CATSPERG: variants seen among roughly 807,000 people sequenced by gnomAD.
CATSPERG encodes the protein catsper channel auxiliary subunit gamma, also known as cation channel sperm-associated auxiliary subunit gamma.
Under a neutral mutation model 145.0 loss-of-function variants are expected in CATSPERG, and 115 were observed. The observed-to-expected ratio is 0.79, with a 90% CI of 0.68 to 0.93. The LOEUF is 0.93. CATSPERG is among the 40% of genes least tolerant of loss of function. The pLI is 0.00. For synonymous variants in CATSPERG, 588 were observed against 589.0 expected, an observed-to-expected ratio of 1.00 and a Z score of 0.02; for missense variants, 1,296 against 1,490.1, an observed-to-expected ratio of 0.87 and a Z score of 2.14.
rs771189243 is a variant in CATSPERG at position 38,370,270 on chromosome 19, T to C, written c.3213+12T>C. On this transcript the variant is annotated intron_variant, in intron 28 of 28. Transcript: ENST00000409235. ...TTTTCATCATCATGGTGAGTGGCTG[T>C]CCGGGAGCTGCCCTACTGGGTGGGC... The C allele has an allele frequency of 6.2e-7, 1 of 1,611,308 alleles. No individual in the cohort carries two copies. Among genetic ancestry groups the C allele is most frequent in the East Asian group, 2.2e-5 (1 of 44,870 alleles).
In CATSPERG at chr19:38,337,255, C is replaced by A. The variant is rs538897594; in HGVS notation, c.21C>A (p.Phe7Leu). The A allele has an allele frequency of 6.4e-7, 1 of 1,551,408 alleles. No homozygotes were observed. The highest frequency in any genetic ancestry group is 2.0e-5 in the Admixed American group (1 of 51,006). The change falls in exon 2 of 29, where the codon TTC becomes TTA. Residue 7 changes from phenylalanine to leucine, a missense_variant. By Grantham distance (22) the Phe-to-Leu change is conservative (BLOSUM62 0). Transcript: ENST00000409235. ...ACGTTATGTGCGGCCCAGCCATGTT[C>A]CCTGCCGGTCCTCCGTGGCCCAGAG... MCGPAM[F>L]PAGPPWPRVR...
Position 38,337,592 on chromosome 19 carries a change from G to A in CATSPERG, c.271-1G>A, listed in dbSNP as rs1253059439. 6.4e-7 allele frequency: 1 copy of A among 1,551,660 alleles called. No homozygotes were observed. The highest frequency in any genetic ancestry group is 8.7e-7 in the Non-Finnish European group (1 of 1,147,008). The stretch of plus-strand genomic sequence containing the variant: ...ACGTGTGGCCTAACCTCTCTTTGCA[G>A]AAATACCTGGGCTTCCCTTACTACC... On this transcript the variant is annotated splice_acceptor_variant, in intron 2 of 28. Coordinates refer to ENST00000409235, the MANE Select transcript of CATSPERG (RefSeq NM_021185.5). LOFTEE classifies it high-confidence loss of function.
intron 7 of CATSPERG, among the ~76,000 whole-genome samples, chr19:38,348,437 C>T (rs973402103): frequency 2.0e-4 from 30 of 150,674 alleles, no homozygotes; most frequent in Admixed American, 1.3e-3. Flanking sequence ...CTGGGATCAC[C>T]GTGCCTGGCC....
chr19:38,343,668 G>T lies in CATSPERG; in HGVS notation c.413G>T (p.Arg138Leu). Residue 138 changes from arginine to leucine, a missense_variant, in exon 4 of 29, where the codon CGC becomes CTC. By Grantham distance (102) the Arg-to-Leu change is moderately radical. Coordinates refer to ENST00000409235, the MANE Select transcript of CATSPERG (RefSeq NM_021185.5). The part of the protein sequence containing the change: ...VTFQSPVNFY[R>L]WKIEQLQIQM... ...TTCCAGTCCCCAGTCAACTTCTACC[G>T]CTGGAAGATAGAGCAGCTGCAGATC... 6.4e-7 allele frequency: 1 copy of T among 1,551,468 alleles called. No homozygotes were observed.
Position 38,370,902 on chromosome 19 carries a change from G to A in CATSPERG, c.*110G>A. The A allele has an allele frequency of 8.1e-7, 1 of 1,241,886 alleles. No individual in the cohort carries two copies. The highest frequency in any genetic ancestry group is 1.4e-5 in the South Asian group (1 of 72,042). 76.9% of individuals were successfully genotyped at this position (1,241,886 alleles called of 1,614,324 possible). A position where few individuals can be genotyped will look rare whatever the true frequency, so the allele number is the denominator to read the frequency against. The stretch of plus-strand genomic sequence containing the variant: ...GGCCTCTCTTTCTGTTTTGCTTGAT[G>A]TTTACTTCTCGTTCAGACTCAAATA... On this transcript the variant is annotated 3_prime_UTR_variant, in exon 29 of 29. Coordinates refer to ENST00000409235, the MANE Select transcript of CATSPERG (RefSeq NM_021185.5).
intron 3 of CATSPERG, among the ~76,000 whole-genome samples, chr19:38,343,092 G>A (rs1200206217): frequency 6.6e-6 from 1 of 151,976 alleles, no homozygotes; most frequent in Non-Finnish European, 1.5e-5. Flanking sequence ...CGCCTTTAAT[G>A]CCAGCACTTT....
chr19:38,352,448 C>G lies in CATSPERG; in HGVS notation c.997+16C>G, dbSNP rs529790200. On this transcript the variant is annotated intron_variant, in intron 8 of 28. Coordinates refer to ENST00000409235, the MANE Select transcript of CATSPERG (RefSeq NM_021185.5). ...CGCGGCAGTGGTGAGTGTGCTGTGG[C>G]TGGACCCACGCCTGGGGAGGGCACC... 52 of 1,551,554 alleles carry G rather than the reference C, an allele frequency of 3.4e-5. No individual in the cohort carries two copies. The East Asian group carries it at 1.1e-3, about 32-fold the overall frequency.
rs1258298776 is a variant in CATSPERG at position 38,337,444 on chromosome 19, C to G, written c.210C>G (p.Pro70=). 6.4e-7 allele frequency: 1 copy of G among 1,552,072 alleles called. No individual in the cohort carries two copies. Reference sequence around the variant, plus strand: ...GCGACAGCTTCTTTGAGCAAGAGCCCGTGGACACAGTGAGCAGCTTGTTTC... The same window carrying G: ...GCGACAGCTTCTTTGAGCAAGAGCCGGTGGACACAGTGAGCAGCTTGTTTC... ...GVSDSFFEQE[P]VDTVSSLFHM... is the part of the protein sequence containing the mutation. The change falls in exon 2 of 29, where the codon CCC becomes CCG. Residue 70 remains proline, a synonymous_variant. Transcript: ENST00000409235.
At chr19:38,363,875 G>C (rs1970397608) in intron 20 of CATSPERG, among the ~76,000 whole-genome samples, 1 of 152,188 alleles carries the variant, frequency 6.6e-6, no homozygotes, top group Admixed American at 6.5e-5. Flanking sequence ...TTTCTACACA[G>C]ACACGGCAAC....
At chr19:38,367,020 G>C (rs1347499407) in intron 22 of CATSPERG, 136 bp from the exon 23 acceptor site, 2 of 734,184 alleles carry the variant, frequency 2.7e-6, no homozygotes, top group Admixed American at 5.9e-5. Flanking sequence ...TGACCATATT[G>C]CCCTTGGGGG....
intron 20 of CATSPERG, among the ~76,000 whole-genome samples, chr19:38,364,290 C>T (rs953101549): frequency 1.3e-5 from 2 of 151,750 alleles, no homozygotes; most frequent in African/African-American, 2.4e-5. Flanking sequence ...TCAGACAGGG[C>T]GGCTGGGCAG....
At chr19:38,339,647 C>CT (rs893814744) in intron 3 of CATSPERG, among the ~76,000 whole-genome samples, 12 of 151,486 alleles carry the variant, frequency 7.9e-5, no homozygotes, top group Admixed American at 5.3e-4. Context: ...AAATTTTTTT[C>CT]TTTTTTTTGC....
chr19:38,357,111 G>A (rs1970257463), intron 11 of CATSPERG, among the ~76,000 whole-genome samples: 2 of 152,138 alleles, frequency 1.3e-5, no homozygotes, highest in South Asian at 4.1e-4. Context: ...ATTTGTGCAG[G>A]CTGTGCAGTG....
chr19:38,350,539 A>G (rs891120686), intron 7 of CATSPERG, among the ~76,000 whole-genome samples: 4 of 152,084 alleles, frequency 2.6e-5, no homozygotes, highest in Non-Finnish European at 4.4e-5. Flanking sequence ...CACCACGTCC[A>G]GCCAATATTT....
intron 1 of CATSPERG, chr19:38,336,237 C>A (rs752157044): frequency 4.4e-6 from 2 of 454,918 alleles, no homozygotes; most frequent in Non-Finnish European, 8.8e-6. Context: ...CTGGTGCCGG[C>A]GTGGAAGGAG....
intron 1 of CATSPERG, chr19:38,336,341 C>T (rs969744101): frequency 8.8e-6 from 3 of 342,034 alleles, no homozygotes; most frequent in Non-Finnish European, 1.8e-5. Flanking sequence ...GGAGGAGGGG[C>T]GTTACCAGAG....
At chr19:38,363,022 A>C (rs1260379319) in intron 20 of CATSPERG, among the ~76,000 whole-genome samples, 190 bp downstream of exon 20, 1 of 151,462 alleles carries the variant, frequency 6.6e-6, no homozygotes, top group African/African-American at 2.4e-5. Flanking sequence ...GCAGGCACGC[A>C]CCACAGTGCC....
chr19:38,359,380 A>G (rs1434381208), intron 13 of CATSPERG, 90 bp from the exon 14 acceptor site: 10 of 793,208 alleles, frequency 1.3e-5, no homozygotes, highest in Non-Finnish European at 2.2e-5. Flanking sequence ...ACAAGTGGAG[A>G]AACAGTAAGT....
intron 7 of CATSPERG, among the ~76,000 whole-genome samples, chr19:38,350,721 G>C (rs543381024): frequency 6.6e-6 from 1 of 152,152 alleles, no homozygotes. Context: ...GGGTGTGGTG[G>C]CTCAGGCCTG....
Sources: gnomAD v4.1 joint callset for allele counts (sites outside exome capture counted in the v4.1 genomes callset) on GRCh38, gnomAD v4.1.1 for gene constraint, MANE v1.5 for transcripts, NCBI Gene and HGNC (gene_info 2026-07-23, HGNC 2026-07-21) for gene names.